ROBO2: variants seen among roughly 807,000 people sequenced by gnomAD.
ROBO2 encodes roundabout homolog 2.
Under a neutral mutation model 160.8 loss-of-function variants are expected in ROBO2, and 53 were observed. The ratio of observed to expected loss-of-function variants is 0.33; its 90% CI spans 0.26 to 0.41. The LOEUF is 0.41. Among genes scored for constraint, ROBO2 ranks in the 10% least tolerant of loss-of-function variants. The pLI is 1.00. For missense variants in ROBO2, 1,577 were observed against 1,722.4 expected, an observed-to-expected ratio of 0.92 and a Z score of 1.49; for synonymous variants, 664 against 611.7, an observed-to-expected ratio of 1.09 and a Z score of -1.26.
At chr3:76,907,720 G>A (rs899914042) in intron 2 of ROBO2, among the ~76,000 whole-genome samples, 1 of 152,120 alleles carries the variant, frequency 6.6e-6, no homozygotes, top group Non-Finnish European at 1.5e-5. Context: ...TTATGTAATT[G>A]CTACTGTAAT....
chr3:76,835,556 G>T (rs2067614670), intron 2 of ROBO2, among the ~76,000 whole-genome samples: 1 of 151,060 alleles, frequency 6.6e-6, no homozygotes, highest in South Asian at 2.1e-4. Context: ...TGTTACAAAG[G>T]GATCGTTGAT....
chr3:76,808,398 C>A (rs2064904765), intron 2 of ROBO2, among the ~76,000 whole-genome samples: 1 of 152,074 alleles, frequency 6.6e-6, no homozygotes, highest in Non-Finnish European at 1.5e-5. Flanking sequence ...ATTTTTTGAG[C>A]ACCTCCTTCC....
At chr3:76,228,808 T>C (rs1704446779) in intron 2 of ROBO2, among the ~76,000 whole-genome samples, 1 of 152,206 alleles carries the variant, frequency 6.6e-6, no homozygotes, top group Non-Finnish European at 1.5e-5. Context: ...CAAATGTTGA[T>C]TTCATTTCCA....
In ROBO2 at chr3:76,217,423, A is replaced by T. The variant is rs534420604; in HGVS notation, c.109+279821A>T. Among the ~76,000 whole-genome samples the T allele has an allele frequency of 1.2e-4, 19 of 152,310 alleles. No individual in the cohort carries two copies. The South Asian group carries it at 3.9e-3, about 32-fold the overall frequency. On this transcript the variant is annotated intron_variant, in intron 2 of 26. Coordinates refer to the ROBO2 transcript ENST00000487694. Reference sequence around the variant, plus strand: ...AAAATTGATAAACCTCTAGAAGACTAATAAAGAAGAAAAGAGAGAAGAATC... The same window carrying T: ...AAAATTGATAAACCTCTAGAAGACTTATAAAGAAGAAAAGAGAGAAGAATC...
At chr3:75,934,611 A>T (rs1174762142) in intron 1 of ROBO2, among the ~76,000 whole-genome samples, 1 of 152,182 alleles carries the variant, frequency 6.6e-6, no homozygotes, top group Non-Finnish European at 1.5e-5. Context: ...CAGCATTTAG[A>T]TCATACATCA....
chr3:77,453,626 T>C (rs2081329252), intron 2 of ROBO2, among the ~76,000 whole-genome samples: 1 of 152,130 alleles, frequency 6.6e-6, no homozygotes, highest in Non-Finnish European at 1.5e-5. Context: ...ATCTGTTTGA[T>C]AGGAAAAAAG....
intron 2 of ROBO2, among the ~76,000 whole-genome samples, chr3:76,221,014 C>T (rs974038382): frequency 2.0e-5 from 3 of 151,006 alleles, no homozygotes; most frequent in Non-Finnish European, 3.0e-5. Flanking sequence ...AATCATAGAA[C>T]ATGGTAATAC....
chr3:76,628,306 G>A (rs547540473), intron 2 of ROBO2, among the ~76,000 whole-genome samples: 1 of 151,884 alleles, frequency 6.6e-6, no homozygotes, highest in African/African-American at 2.4e-5. Flanking sequence ...CTGGAGTACA[G>A]TGGCACGATC....
At chr3:77,612,207 T>C (rs2094658254) in intron 21 of ROBO2, among the ~76,000 whole-genome samples, 1 of 152,192 alleles carries the variant, frequency 6.6e-6, no homozygotes, top group East Asian at 1.9e-4. Flanking sequence ...ATTTTCACAG[T>C]CTTTTTCAAT....
chr3:76,926,826 C>T (rs1051850585), intron 2 of ROBO2, among the ~76,000 whole-genome samples: 2 of 151,754 alleles, frequency 1.3e-5, no homozygotes, highest in Admixed American at 6.6e-5. Context: ...CACTCTAGCT[C>T]GCAGAATCTA....
intron 2 of ROBO2, among the ~76,000 whole-genome samples, chr3:77,205,954 T>A (rs1000238553): frequency 5.3e-5 from 8 of 152,002 alleles, no homozygotes; most frequent in Admixed American, 3.3e-4. Context: ...TCTTACAGTT[T>A]TGGGGGACTG....
At chr3:77,061,617 C>T (rs1157642853) in intron 1 of ROBO2, among the ~76,000 whole-genome samples, 1 of 152,080 alleles carries the variant, frequency 6.6e-6, no homozygotes, top group East Asian at 1.9e-4. Context: ...TCAGGAATGG[C>T]TTTCAGAAGA....
chr3:76,027,908 G>A (rs1230526382), intron 2 of ROBO2, among the ~76,000 whole-genome samples: 1 of 151,850 alleles, frequency 6.6e-6, no homozygotes, highest in African/African-American at 2.4e-5. Context: ...GACAGATGAG[G>A]GTAGGATACT....
chr3:76,918,920 G>C (rs1170803168), intron 2 of ROBO2, among the ~76,000 whole-genome samples: 1 of 151,572 alleles, frequency 6.6e-6, no homozygotes, highest in African/African-American at 2.4e-5. Context: ...AATGATCAGT[G>C]ATGTTGAGCT....
chr3:76,025,902 C>T (rs1194641814), intron 2 of ROBO2, among the ~76,000 whole-genome samples: 2 of 151,812 alleles, frequency 1.3e-5, no homozygotes, highest in African/African-American at 4.8e-5. Context: ...ATCCATTTTT[C>T]CAGTCCAGAA....
intron 2 of ROBO2, among the ~76,000 whole-genome samples, chr3:76,963,647 C>G (rs570786432): frequency 1.3e-5 from 2 of 151,628 alleles, no homozygotes; most frequent in African/African-American, 2.4e-5. Flanking sequence ...ATAATAAAAG[C>G]GATAAAATTG....
At position 76,417,841 on chromosome 3, in the gene ROBO2, T is replaced by C. The variant is rs576183217; in HGVS notation, c.109+480239T>C. On this transcript the variant is annotated intron_variant, in intron 2 of 26. Coordinates refer to the ROBO2 transcript ENST00000487694. ...AATCACTTTGAAACAGAAAATAATT[T>C]TCTGCAAGGATGTGTTCTCTACCAC... Among the ~76,000 whole-genome samples, 4 of 152,244 alleles carry C rather than the reference T, an allele frequency of 2.6e-5. No homozygotes were observed. The South Asian group carries it at 8.3e-4, about 32-fold the overall frequency.
chr3:77,454,776 C>G (rs1385059914), intron 2 of ROBO2, among the ~76,000 whole-genome samples: 1 of 151,868 alleles, frequency 6.6e-6, no homozygotes, highest in African/African-American at 2.4e-5. Context: ...TTCTCTTTTT[C>G]AATTTATTTA....
chr3:77,188,699 C>T (rs2081513049), intron 2 of ROBO2, among the ~76,000 whole-genome samples: 2 of 151,770 alleles, frequency 1.3e-5, no homozygotes, highest in African/African-American at 4.8e-5. Context: ...TTCTCATATA[C>T]TGTTACATCT....
Sources: gnomAD v4.1 joint callset for allele counts (sites outside exome capture counted in the v4.1 genomes callset) on GRCh38, gnomAD v4.1.1 for gene constraint, MANE v1.5 for transcripts, NCBI Gene and HGNC (gene_info 2026-07-23, HGNC 2026-07-21) for gene names.